SHPK: variants seen among roughly 807,000 people sequenced by gnomAD.
SHPK encodes sedoheptulokinase, also known as carbohydrate kinase-like protein.
In SHPK, 51 loss-of-function variants were observed where a neutral mutation model predicts 46.3. That is an observed-to-expected ratio of 1.10 (90% confidence interval 0.88 to 1.39). The LOEUF (loss-of-function observed/expected upper bound fraction) is 1.39, where lower values mean the gene tolerates loss of function less well. Among genes scored for constraint, SHPK ranks in the 40% most tolerant of loss-of-function variants. The pLI is 0.00. For missense variants in SHPK, 668 were observed against 641.3 expected (o/e 1.04, Z -0.45); for synonymous variants, 290 against 273.9 (o/e 1.06, Z -0.58).
chr17:3,620,436 A>G (rs1413597754), intron 5 of SHPK, among the ~76,000 whole-genome samples: 3 of 140,054 alleles, frequency 2.1e-5, no homozygotes, highest in Non-Finnish European at 4.7e-5. Flanking sequence ...AATTTTTTCT[A>G]TTTTTTTTTT....
chr17:3,615,482 C>A lies in SHPK; in HGVS notation c.879G>T (p.Gln293His). 1.2e-5 allele frequency: 19 copies of A among 1,614,178 alleles called. No homozygotes were observed. The highest frequency in any genetic ancestry group is 1.4e-5 in the Non-Finnish European group (17 of 1,180,032). ...CCGTAGGGTCTGGAGTCTGTGCAGG[C>A]TGGAATCCTGAAGGCATGGAGGCTG... ...QLAASMPSGF[Q>H]PAQTPDPTAP... Residue 293 changes from glutamine to histidine, a missense_variant, in exon 6 of 7, where the codon CAG (glutamine) becomes CAT (histidine). Transcript: ENST00000225519.
Position 3,615,553 on chromosome 17 carries a change from A to G in SHPK, c.824-16T>C. On this transcript the variant is annotated splice_polypyrimidine_tract_variant and intron_variant, in intron 5 of 6. Coordinates refer to ENST00000225519, the MANE Select transcript of SHPK (RefSeq NM_013276.4). Reference sequence around the variant, plus strand: ...ATGTTGAGAACTGGGGTCCGAAGAGAGCAGAGCTTAGGCCTGTCGGGCTAA... The same window carrying G: ...ATGTTGAGAACTGGGGTCCGAAGAGGGCAGAGCTTAGGCCTGTCGGGCTAA... 3 of 1,612,566 alleles carry G rather than the reference A, an allele frequency of 1.9e-6. No homozygotes were observed. Among genetic ancestry groups the G allele is most frequent in the South Asian group, 1.1e-5 (1 of 91,010 alleles).
At chr17:3,614,010 G>T (rs554835280) in intron 6 of SHPK, among the ~76,000 whole-genome samples, 1 of 152,204 alleles carries the variant, frequency 6.6e-6, no homozygotes, top group Admixed American at 6.5e-5. Context: ...GAGTGCCTGC[G>T]TCCTCAGCTC....
At chr17:3,625,430 C>CAGGTA (rs2075427925) in intron 2 of SHPK, among the ~76,000 whole-genome samples, 1 of 152,232 alleles carries the variant, frequency 6.6e-6, no homozygotes, top group South Asian at 2.1e-4. Context: ...CTGGGGGAAT[C>CAGGTA]AGCCTTCAGG....
rs1597564555 is a variant in SHPK, at chr17:3,610,597, A to C, written c.1400T>G (p.Val467Gly). The change falls in exon 7 of 7, where the codon GTC (valine) becomes GGC (glycine). Residue 467 changes from valine to glycine, a missense_variant. Coordinates refer to ENST00000225519, the MANE Select transcript of SHPK (RefSeq NM_013276.4). Reference protein sequence around the residue: ...DVDAAVGAALVMLRRHLNQKE... With the variant: ...DVDAAVGAALGMLRRHLNQKE... Reference sequence around the variant, plus strand: ...CTGGTTGAGGTGTCTCCGGAGCATGACCAGAGCTGCCCCGACAGCTGCATC... The same window carrying C: ...CTGGTTGAGGTGTCTCCGGAGCATGCCCAGAGCTGCCCCGACAGCTGCATC... The C allele has an allele frequency of 1.2e-6, 2 of 1,612,382 alleles. No homozygotes were observed. Among genetic ancestry groups the C allele is most frequent in the South Asian group, 2.2e-5 (2 of 91,036 alleles).
intron 6 of SHPK, among the ~76,000 whole-genome samples, chr17:3,611,798 G>GTTTTTTT (rs570066157): frequency 1.1e-5 from 1 of 92,120 alleles, no homozygotes. Context: ...AGCTCTGCGG[G>GTTTTTTT]TTTTTTTTTT....
chr17:3,609,218 G>A lies in SHPK; in HGVS notation c.*1342C>T, dbSNP rs1159763301. On this transcript the variant is annotated 3_prime_UTR_variant, in exon 7 of 7. Coordinates refer to ENST00000225519, the MANE Select transcript of SHPK (RefSeq NM_013276.4). Reference sequence around the variant, plus strand: ...GGCTTTAGTATCTGACATTTGGCCAGAGTGATCAGGCATTTGCTCTCATCT... The same window carrying A: ...GGCTTTAGTATCTGACATTTGGCCAAAGTGATCAGGCATTTGCTCTCATCT... 2 of 152,174 alleles carry A rather than the reference G, an allele frequency of 1.3e-5. No individual in the cohort carries two copies. Among genetic ancestry groups the A allele is most frequent in the African/African-American group, 4.8e-5 (2 of 41,454 alleles). 9.4% of individuals were successfully genotyped at this position (152,174 alleles called of 1,614,324 possible).
intron 3 of SHPK, 40 bp downstream of exon 3, chr17:3,624,008 C>T (rs377639173): frequency 1.3e-5 from 21 of 1,564,258 alleles, no homozygotes; most frequent in Middle Eastern, 1.8e-4. Flanking sequence ...CTCATTCTCC[C>T]GGAAACCCAG....
At chr17:3,613,561 G>A (rs1002038395) in intron 6 of SHPK, among the ~76,000 whole-genome samples, 13 of 151,934 alleles carry the variant, frequency 8.6e-5, no homozygotes, top group Admixed American at 8.5e-4. Context: ...TAGAGACAGG[G>A]TTTCACTATA....
rs1221390034 is a variant in SHPK, at chr17:3,610,920, C to A, written c.1077G>T (p.Val359=). 2 of 1,613,826 alleles carry A rather than the reference C, an allele frequency of 1.2e-6. No homozygotes were observed. The change falls in exon 7 of 7, where the codon GTG becomes GTT. Residue 359 remains valine (V), a synonymous_variant. Transcript: ENST00000225519. ...TGGTCAGGTGGGTATCTCTCTGCTGCACAGCTGCCTGAATCATGCGTGAAT... is the reference window on the plus strand; with the variant it reads ...TGGTCAGGTGGGTATCTCTCTGCTGAACAGCTGCCTGAATCATGCGTGAAT... The part of the protein sequence containing the change: ...TVYSRMIQAA[V]QQRDTHLTIT...
At chr17:3,618,556 T>A (rs889663538) in intron 5 of SHPK, among the ~76,000 whole-genome samples, 1 of 151,904 alleles carries the variant, frequency 6.6e-6, no homozygotes, top group Admixed American at 6.6e-5. Context: ...CCGAGGCAGG[T>A]GGATCACAAG....
In SHPK at chr17:3,610,721, T is replaced by A. The variant is rs1332518530; in HGVS notation, c.1276A>T (p.Arg426Trp). The change falls in exon 7 of 7, where the codon AGG (arginine) becomes TGG (tryptophan). Residue 426 changes from arginine to tryptophan, a missense_variant. Coordinates refer to ENST00000225519, the MANE Select transcript of SHPK (RefSeq NM_013276.4). ...AGCGCACTCCCACTGCCCATCACCC[T>A]CTCCACGCCCCACTCCTGGAGCTGC... ...IQQLQEWGVE[R>W]VMGSGSALSR... The A allele has an allele frequency of 1.2e-6, 2 of 1,613,878 alleles. No individual in the cohort carries two copies. The highest frequency in any genetic ancestry group is 4.5e-5 in the East Asian group (2 of 44,880).
chr17:3,634,587 A>AAC (rs1236879822), intron 1 of SHPK, among the ~76,000 whole-genome samples: 1 of 151,330 alleles, frequency 6.6e-6, no homozygotes, highest in East Asian at 1.9e-4. Context: ...AAAAAAAAAA[A>AAC]AAAAAAGAAG....
intron 2 of SHPK, among the ~76,000 whole-genome samples, chr17:3,628,601 G>A (rs1490315910): frequency 6.6e-6 from 1 of 151,984 alleles, no homozygotes; most frequent in Non-Finnish European, 1.5e-5. Context: ...GATTACAGGC[G>A]TGAGCCATTG....
chr17:3,632,971 CTTTTTTTT>C (rs34873037), intron 1 of SHPK, among the ~76,000 whole-genome samples: 36 of 81,726 alleles, frequency 4.4e-4, no homozygotes, highest in South Asian at 4.5e-4. Flanking sequence ...GCAGATATTA[CTTTTTTTT>C]TTTTTTTTTT....
intron 4 of SHPK, among the ~76,000 whole-genome samples, chr17:3,623,059 G>A (rs988810045): frequency 6.6e-6 from 1 of 152,228 alleles, no homozygotes; most frequent in Admixed American, 6.5e-5. Context: ...TACAGACTGG[G>A]CTCATGGTCA....
chr17:3,620,241 G>A (rs1002584977), intron 5 of SHPK, among the ~76,000 whole-genome samples: 1 of 151,690 alleles, frequency 6.6e-6, no homozygotes, highest in Non-Finnish European at 1.5e-5. Context: ...CCCTTACTAT[G>A]AATACAGAAA....
intron 6 of SHPK, 46 bp downstream of exon 6, chr17:3,615,291 A>C: frequency 1.3e-6 from 2 of 1,577,854 alleles, no homozygotes; most frequent in Non-Finnish European, 1.7e-6. Flanking sequence ...CCTGCCGGGT[A>C]GAAAGGACAG....
chr17:3,618,948 T>C (rs1181749686), intron 5 of SHPK, among the ~76,000 whole-genome samples: 3 of 152,182 alleles, frequency 2.0e-5, no homozygotes, highest in Non-Finnish European at 2.9e-5. Context: ...CTGGGGCCTG[T>C]GGTAACTCCA....
Sources: gnomAD v4.1 joint callset for allele counts (sites outside exome capture counted in the v4.1 genomes callset) on GRCh38, gnomAD v4.1.1 for gene constraint, MANE v1.5 for transcripts, NCBI Gene and HGNC (gene_info 2026-07-23, HGNC 2026-07-21) for gene names.